ELP4: variants seen among roughly 807,000 people sequenced by gnomAD.
ELP4 encodes elongator acetyltransferase complex subunit 4.
A neutral mutation model predicts 48.9 loss-of-function variants in ELP4; 51 were observed. The observed-to-expected ratio is 1.04, with a 90% confidence interval of 0.83 to 1.32. The LOEUF is 1.32. Ranked by LOEUF, ELP4 falls within the 40% of genes most tolerant of loss-of-function variation. ELP4 has a pLI of 0.00. For missense variants in ELP4, 519 were observed against 514.6 expected (o/e 1.01, Z -0.08); for synonymous variants, 210 against 189.2 (o/e 1.11, Z -0.90).
At chr11:31,737,415 G>A (rs963119767) in intron 9 of ELP4, among the ~76,000 whole-genome samples, 32 of 151,520 alleles carry the variant, frequency 2.1e-4, no homozygotes, top group East Asian at 3.9e-4. Context: ...ACATGTATAC[G>A]TATGTAACAA....
intron 9 of ELP4, among the ~76,000 whole-genome samples, chr11:31,659,813 G>A (rs1048347913): frequency 1.3e-5 from 2 of 151,980 alleles, no homozygotes; most frequent in Admixed American, 1.3e-4. Context: ...CCAAAATAGT[G>A]AAACCCCATC....
chr11:31,564,096 A>G (rs960454572), intron 3 of ELP4, among the ~76,000 whole-genome samples: 4 of 152,352 alleles, frequency 2.6e-5, no homozygotes, highest in Middle Eastern at 3.4e-3. Flanking sequence ...TGGAGGGTCA[A>G]TGACTCCCAG....
At chr11:31,570,790 CTTTTTTTTTTT>C (rs1183889559) in intron 3 of ELP4, among the ~76,000 whole-genome samples, 1 of 86,038 alleles carries the variant, frequency 1.2e-5, no homozygotes, top group South Asian at 4.3e-4. Context: ...ACTGTAAACT[CTTTTTTTTTTT>C]TTTTTTTTTT....
intron 6 of ELP4, among the ~76,000 whole-genome samples, chr11:31,630,887 A>G (rs1262253891): frequency 6.6e-6 from 1 of 152,024 alleles, no homozygotes; most frequent in Non-Finnish European, 1.5e-5. Flanking sequence ...CGAGACTACC[A>G]TAAGCTATAG....
intron 9 of ELP4, among the ~76,000 whole-genome samples, chr11:31,742,440 C>T (rs1307080275): frequency 6.6e-6 from 1 of 152,088 alleles, no homozygotes; most frequent in African/African-American, 2.4e-5. Flanking sequence ...TCTCAAGACA[C>T]ATAATTGTCA....
chr11:31,519,357 T>C (rs1346027776), intron 1 of ELP4, among the ~76,000 whole-genome samples: 1 of 152,240 alleles, frequency 6.6e-6, no homozygotes, highest in East Asian at 1.9e-4. Flanking sequence ...ATAATCTTTG[T>C]TGTACTTCTG....
At chr11:31,598,637 A>G (rs1057090155) in intron 4 of ELP4, among the ~76,000 whole-genome samples, 15 of 150,828 alleles carry the variant, frequency 9.9e-5, no homozygotes, top group Non-Finnish European at 2.2e-4. Context: ...CCTCACAAAT[A>G]TGAGACCACA....
chr11:31,661,338 GAAGT>G (rs1200291665), intron 9 of ELP4, among the ~76,000 whole-genome samples: 2 of 152,076 alleles, frequency 1.3e-5, no homozygotes, highest in African/African-American at 2.4e-5. Flanking sequence ...GGCCAATCAT[GAAGT>G]AAGTATCCAA....
In ELP4 at chr11:31,727,191, A is replaced by G. The variant is rs190014928; in HGVS notation, c.1144-56202A>G. Reference sequence around the variant, plus strand: ...TTAACTTTAAAGTGAACATATGTAGAGTTTTTATTTGGGAGACTAACGAGG... The same window carrying G: ...TTAACTTTAAAGTGAACATATGTAGGGTTTTTATTTGGGAGACTAACGAGG... On this transcript the variant is annotated intron_variant, in intron 9 of 9. Transcript: ENST00000640961. Among the ~76,000 whole-genome samples the G allele has an allele frequency of 3.9e-4, 60 of 151,932 alleles. No homozygotes were observed. The East Asian group carries it at 0.011, about 28-fold the overall frequency.
intron 9 of ELP4, among the ~76,000 whole-genome samples, chr11:31,782,326 C>T (rs1015847810): frequency 1.3e-5 from 2 of 152,084 alleles, no homozygotes; most frequent in African/African-American, 4.8e-5. Context: ...TTTTCCCCCC[C>T]ATATTGAAGA....
At chr11:31,535,807 G>C (rs1956491138) in intron 2 of ELP4, among the ~76,000 whole-genome samples, 1 of 152,082 alleles carries the variant, frequency 6.6e-6, no homozygotes, top group South Asian at 2.1e-4. Context: ...GATTAATTTT[G>C]CTTTCTATAG....
At chr11:31,579,463 C>G (rs1174335958) in intron 3 of ELP4, among the ~76,000 whole-genome samples, 2 of 152,130 alleles carry the variant, frequency 1.3e-5, no homozygotes, top group Admixed American at 1.3e-4. Context: ...ATAAATCATG[C>G]TGCTATAAAG....
intron 3 of ELP4, among the ~76,000 whole-genome samples, chr11:31,547,183 T>C (rs963389234): frequency 2.6e-5 from 4 of 152,098 alleles, no homozygotes; most frequent in South Asian, 2.1e-4. Context: ...TTCAAAAAAT[T>C]AGTGAATCCA....
At chr11:31,696,942 C>G (rs1946421771) in intron 9 of ELP4, among the ~76,000 whole-genome samples, 1 of 151,930 alleles carries the variant, frequency 6.6e-6, no homozygotes, top group African/African-American at 2.4e-5. Flanking sequence ...CACACATAGG[C>G]TCAAAATAAA....
At chr11:31,717,304 G>A (rs1946862627) in intron 9 of ELP4, among the ~76,000 whole-genome samples, 1 of 152,138 alleles carries the variant, frequency 6.6e-6, no homozygotes, top group Non-Finnish European at 1.5e-5. Flanking sequence ...AGTCACATTA[G>A]CAGTAACTGT....
At chr11:31,769,159 A>G (rs947255755) in intron 9 of ELP4, among the ~76,000 whole-genome samples, 5 of 152,146 alleles carry the variant, frequency 3.3e-5, no homozygotes, top group Non-Finnish European at 5.9e-5. Context: ...GGGGGTCTCA[A>G]AGTAACTAGA....
At chr11:31,611,783 A>AT (rs563961480) in intron 5 of ELP4, among the ~76,000 whole-genome samples, 70 of 152,256 alleles carry the variant, frequency 4.6e-4, no homozygotes, top group African/African-American at 1.6e-3. Context: ...AAAGCACATA[A>AT]TTTTTTTTAA....
intron 9 of ELP4, among the ~76,000 whole-genome samples, chr11:31,686,073 T>C (rs1946154286): frequency 6.6e-6 from 1 of 152,158 alleles, no homozygotes; most frequent in African/African-American, 2.4e-5. Context: ...AATAGTTTCC[T>C]TTTCTAACCT....
intron 7 of ELP4, chr11:31,645,861 A>C (rs1428132652): frequency 6.6e-6 from 1 of 151,488 alleles, no homozygotes; most frequent in Admixed American, 6.6e-5. Flanking sequence ...ACCCTTTACT[A>C]CCAACCCAGC....
Sources: gnomAD v4.1 joint callset for allele counts (sites outside exome capture counted in the v4.1 genomes callset) on GRCh38, gnomAD v4.1.1 for gene constraint, MANE v1.5 for transcripts, NCBI Gene and HGNC (gene_info 2026-07-23, HGNC 2026-07-21) for gene names.